ANO4: variants seen among roughly 807,000 people sequenced by gnomAD.
The protein encoded by ANO4 is anoctamin 4.
In ANO4, 69 loss-of-function variants were observed where a neutral mutation model predicts 141.9. The ratio of observed to expected loss-of-function variants is 0.49; its 90% CI spans 0.40 to 0.59. The LOEUF is 0.59. ANO4 is among the 20% of genes least tolerant of loss of function. ANO4 has a pLI of 0.00. For synonymous variants in ANO4, 350 were observed against 394.3 expected, an observed-to-expected ratio of 0.89 and a Z score of 1.33; for missense variants, 894 against 1,162.2, an observed-to-expected ratio of 0.77 and a Z score of 3.36.
At chr12:101,019,910 C>G in intron 8 of ANO4, 124 bp from the exon 9 acceptor site, 1 of 746,350 alleles carries the variant, frequency 1.3e-6, no homozygotes, top group Non-Finnish European at 2.3e-6. Context: ...TCAGGCTGTT[C>G]CAGACACACC....
intron 17 of ANO4, among the ~76,000 whole-genome samples, chr12:101,092,199 T>C (rs2049804665): frequency 6.6e-6 from 1 of 151,786 alleles, no homozygotes; most frequent in South Asian, 2.1e-4. Flanking sequence ...TATTTAATTA[T>C]ACTATAAACA....
chr12:101,017,256 G>T (rs986247522), intron 8 of ANO4, among the ~76,000 whole-genome samples: 1 of 152,116 alleles, frequency 6.6e-6, no homozygotes, highest in Non-Finnish European at 1.5e-5. Context: ...ATGTGCAGGG[G>T]AACTGCCCTG....
intron 7 of ANO4, among the ~76,000 whole-genome samples, chr12:100,981,784 A>G (rs921100130): frequency 3.9e-5 from 6 of 152,126 alleles, no homozygotes; most frequent in Non-Finnish European, 7.4e-5. Flanking sequence ...TGTACATTGT[A>G]GGCAGTTTAT....
At chr12:100,751,167 A>G (rs1456166332) in intron 3 of ANO4, among the ~76,000 whole-genome samples, 1 of 152,196 alleles carries the variant, frequency 6.6e-6, no homozygotes, top group East Asian at 1.9e-4. Context: ...CAGTTTCCCA[A>G]GAAAGATTCA....
At chr12:100,982,563 T>C (rs1481763713) in intron 7 of ANO4, among the ~76,000 whole-genome samples, 1 of 152,250 alleles carries the variant, frequency 6.6e-6, no homozygotes, top group African/African-American at 2.4e-5. Flanking sequence ...ACCATAATTT[T>C]CTTCGTCCTA....
intron 8 of ANO4, among the ~76,000 whole-genome samples, chr12:100,991,540 A>G (rs2045107678): frequency 6.6e-6 from 1 of 151,268 alleles, no homozygotes; most frequent in African/African-American, 2.4e-5. Context: ...AAAAAGAGAA[A>G]AACATTGAAA....
chr12:101,086,892 G>A, intron 17 of ANO4, 68 bp downstream of exon 17: 1 of 1,549,310 alleles, frequency 6.5e-7, no homozygotes, highest in Non-Finnish European at 8.8e-7. Context: ...GTTTTCTTCT[G>A]TTGCTAAGGG....
rs147722394 is a variant in ANO4, at chr12:100,849,281, C to T, written c.-140-52365C>T. On this transcript the variant is annotated intron_variant, in intron 1 of 27. Coordinates refer to ENST00000392977, the MANE Select transcript of ANO4 (RefSeq NM_001286615.2). ...ATTAATAGAAAAACAGAGAAACATA[C>T]AGTTAAATTGTTCTGTATGTATTTT... 1.9e-4 allele frequency among the ~76,000 whole-genome samples: 29 copies of T among 152,154 alleles called. No homozygotes were observed. In the East Asian group the frequency reaches 2.5e-3, roughly 13 times the overall value.
rs571330739 is a variant in ANO4 at position 100,896,300 on chromosome 12, G to A, written c.-140-5346G>A. ...CAACCAGCGTCCTTATAAGAGAGAG[G>A]CAGAGGGAGATTAGACACAAACACT... is the stretch of plus-strand genomic sequence containing the variant. On this transcript the variant is annotated intron_variant, in intron 1 of 27. Coordinates refer to ENST00000392977, the MANE Select transcript of ANO4 (RefSeq NM_001286615.2). Among the ~76,000 whole-genome samples, 4 of 152,270 alleles carry A rather than the reference G, an allele frequency of 2.6e-5. No homozygotes were observed. The South Asian group carries it at 8.3e-4, about 32-fold the overall frequency.
At chr12:100,743,404 T>G (rs1197226377) in intron 3 of ANO4, among the ~76,000 whole-genome samples, 1 of 151,958 alleles carries the variant, frequency 6.6e-6, no homozygotes, top group Non-Finnish European at 1.5e-5. Context: ...CTATCTCAGA[T>G]ACTTTTAGTA....
chr12:100,849,751 A>G (rs79520832), intron 1 of ANO4, among the ~76,000 whole-genome samples: 1,671 of 152,212 alleles, frequency 0.011, 37 homozygotes, highest in African/African-American at 0.038. Context: ...AAATTTTTAG[A>G]GCTATATTTT....
At chr12:100,817,360 G>A (rs558176646) in intron 1 of ANO4, among the ~76,000 whole-genome samples, 4 of 151,870 alleles carry the variant, frequency 2.6e-5, no homozygotes, top group African/African-American at 9.6e-5. Flanking sequence ...CCTAGGCTTA[G>A]CCTAGTTAGA....
chr12:100,973,684 T>C (rs995280923), intron 6 of ANO4, among the ~76,000 whole-genome samples: 2 of 152,220 alleles, frequency 1.3e-5, no homozygotes, highest in African/African-American at 4.8e-5. Context: ...TTTGTTAAAG[T>C]TGGTGGACCA....
intron 5 of ANO4, among the ~76,000 whole-genome samples, chr12:100,962,081 G>A (rs1000436603): frequency 6.6e-6 from 1 of 152,164 alleles, no homozygotes; most frequent in Non-Finnish European, 1.5e-5. Context: ...CAGCCCCTCA[G>A]CACTGAACAT....
chr12:100,780,819 C>T (rs2033689603), intron 3 of ANO4, among the ~76,000 whole-genome samples: 2 of 152,322 alleles, frequency 1.3e-5, no homozygotes, highest in South Asian at 4.1e-4. Flanking sequence ...GCTGGGATTA[C>T]AGGTGTGAGC....
At chr12:101,065,605 A>G (rs986628720) in intron 14 of ANO4, among the ~76,000 whole-genome samples, 2 of 152,204 alleles carry the variant, frequency 1.3e-5, no homozygotes, top group African/African-American at 4.8e-5. Flanking sequence ...GTAACAAGAT[A>G]GAAGCCATAC....
intron 1 of ANO4, among the ~76,000 whole-genome samples, chr12:100,840,920 A>C (rs546382160): frequency 1.3e-5 from 2 of 152,254 alleles, no homozygotes; most frequent in East Asian, 3.9e-4. Context: ...AAAAACTACC[A>C]GATCATGTTG....
chr12:100,922,253 A>C lies in ANO4; in HGVS notation c.83A>C (p.Gln28Pro). 6.5e-7 allele frequency: 1 copy of C among 1,532,938 alleles called. No homozygotes were observed. Among genetic ancestry groups the C allele is most frequent in the Non-Finnish European group, 8.7e-7 (1 of 1,145,822 alleles). 95.0% of individuals were successfully genotyped at this position (1,532,938 alleles called of 1,614,324 possible). The change falls in exon 3 of 28, where the codon CAG (glutamine) becomes CCG (proline). Residue 28 changes from glutamine (Q) to proline (P), a missense_variant. Coordinates refer to ENST00000392977, the MANE Select transcript of ANO4 (RefSeq NM_001286615.2). ...PEGGVDLQGY[Q>P]LDMQILPDGP... ...GGAGGTGTGGATTTGCAAGGCTACC[A>C]GCTGGATATGCAAATACTACCTGAC...
In ANO4 at chr12:101,116,793, C is replaced by T. The variant is rs201602807; in HGVS notation, c.2565C>T (p.Tyr855=). The change falls in exon 25 of 28, where the codon TAC becomes TAT. Residue 855 remains tyrosine, a synonymous_variant. Transcript: ENST00000392977. ...AGTTCTCGGGGACTCCTCTTAAGTA[C>T]TGCAGGTGAGTGTGGCACCCAGCGT... The part of the protein sequence containing the change: ...GSEFSGTPLK[Y]CRYRDYRDPP... The T allele has an allele frequency of 1.9e-6, 3 of 1,614,120 alleles. No homozygotes were observed. In the Admixed American group the frequency reaches 5.0e-5, roughly 27 times the overall value.
Sources: allele counts gnomAD v4.1 joint callset (sites outside exome capture counted in the v4.1 genomes callset), GRCh38; gene constraint gnomAD v4.1.1; transcripts MANE v1.5; gene names NCBI Gene and HGNC (gene_info 2026-07-23, HGNC 2026-07-21).